LDLRAD3: variants seen among roughly 807,000 people sequenced by gnomAD.
LDLRAD3 encodes low density lipoprotein receptor class A domain containing 3, also known as low-density lipoprotein receptor class A domain-containing protein 3.
In LDLRAD3, 20 loss-of-function variants were observed where a neutral mutation model predicts 29.4. That is an observed-to-expected ratio of 0.68 (90% CI 0.48 to 0.99). The LOEUF is 0.99. Among genes scored for constraint, LDLRAD3 ranks in the 50% least tolerant of loss-of-function variants. The pLI is 0.00. For synonymous variants in LDLRAD3, 157 were observed against 192.7 expected (o/e 0.81, Z 1.53); for missense variants, 420 against 454.3 (o/e 0.92, Z 0.69).
At chr11:36,221,179 C>G (rs557186270) in intron 4 of LDLRAD3, among the ~76,000 whole-genome samples, 1 of 152,016 alleles carries the variant, frequency 6.6e-6, no homozygotes, top group Non-Finnish European at 1.5e-5. Context: ...GAAACCCCAT[C>G]TCTACTAAGT....
In LDLRAD3 at chr11:35,957,020, TG is replaced by T. The variant is rs200905516; in HGVS notation, c.46+12879del. On this transcript the variant is annotated intron_variant, in intron 1 of 5. Coordinates refer to ENST00000315571, the MANE Select transcript of LDLRAD3 (RefSeq NM_174902.4). ...AAAGTGCTGGGATTACCCAAAGTGC[TG>T]GGATTACAGGCGTGAGACACTGCAC... is the stretch of plus-strand genomic sequence containing the variant. Among the ~76,000 whole-genome samples, 578 of 152,360 alleles carry T rather than the reference TG, an allele frequency of 3.8e-3. 9 individuals carry two copies. Among genetic ancestry groups the T allele is most frequent in the Admixed American group, 0.035 (536 of 15,306 alleles).
chr11:36,212,201 G>A (rs1374376), intron 4 of LDLRAD3, among the ~76,000 whole-genome samples: 38,155 of 152,132 alleles, frequency 0.25, 5,011 homozygotes, highest in Admixed American at 0.34. Context: ...TGCAGAGGAG[G>A]CAGATGCCTC....
intron 4 of LDLRAD3, among the ~76,000 whole-genome samples, chr11:36,160,336 C>T (rs570591824): frequency 2.6e-5 from 4 of 152,258 alleles, no homozygotes; most frequent in African/African-American, 4.8e-5. Flanking sequence ...AGAAAGCCAG[C>T]GTGATTTCCC....
At chr11:36,167,859 T>C (rs1302248693) in intron 4 of LDLRAD3, among the ~76,000 whole-genome samples, 1 of 152,226 alleles carries the variant, frequency 6.6e-6, no homozygotes, top group Non-Finnish European at 1.5e-5. Flanking sequence ...AAAGCCAGAA[T>C]GCTTGACTTT....
chr11:36,062,538 T>C (rs1393163647), intron 2 of LDLRAD3, among the ~76,000 whole-genome samples: 3 of 152,148 alleles, frequency 2.0e-5, no homozygotes, highest in Admixed American at 1.3e-4. Flanking sequence ...CTGACTGACA[T>C]GGTTTGGCTG....
chr11:35,986,903 A>G (rs1290213574), intron 1 of LDLRAD3, among the ~76,000 whole-genome samples: 1 of 152,216 alleles, frequency 6.6e-6, no homozygotes. Context: ...GGGCCCATTT[A>G]CTAGAGAAAA....
At chr11:36,199,605 G>A (rs1043385360) in intron 4 of LDLRAD3, among the ~76,000 whole-genome samples, 1 of 144,398 alleles carries the variant, frequency 6.9e-6, no homozygotes, top group South Asian at 2.3e-4. Context: ...ACGCGTGCGC[G>A]CACACGCTTT....
chr11:36,185,162 A>G (rs953126), intron 4 of LDLRAD3, among the ~76,000 whole-genome samples: 43,154 of 152,054 alleles, frequency 0.28, 6,182 homozygotes, highest in East Asian at 0.35. Context: ...ATTCCAGCCC[A>G]TGATGTTGGA....
At chr11:36,183,974 T>C in intron 4 of LDLRAD3, 1 of 319,064 alleles carries the variant, frequency 3.1e-6, no homozygotes, top group South Asian at 2.5e-5. Context: ...TTTTTTTTTT[T>C]TTTTTTCCCG....
At chr11:35,976,558 T>C (rs1851478602) in intron 1 of LDLRAD3, among the ~76,000 whole-genome samples, 1 of 152,140 alleles carries the variant, frequency 6.6e-6, no homozygotes, top group African/African-American at 2.4e-5. Context: ...AAGGGGATGC[T>C]AGTATTTCCT....
In LDLRAD3 at chr11:35,979,695, T is replaced by C. The variant is rs2133155464; in HGVS notation, c.46+35551T>C. Among the ~76,000 whole-genome samples the C allele has an allele frequency of 1.3e-5, 2 of 152,260 alleles. 1 individual carries two copies. Among genetic ancestry groups the C allele is most frequent in the Middle Eastern group, 6.8e-3 (2 of 294 alleles). ...TGGGAGAAGCCAAGTTAAAATCGAG[T>C]TAGGTTAGTTCCTAGGTACCATACT... is the stretch of plus-strand genomic sequence containing the variant. On this transcript the variant is annotated intron_variant, in intron 1 of 5. Coordinates refer to ENST00000315571, the MANE Select transcript of LDLRAD3 (RefSeq NM_174902.4).
rs747466722 is a variant in LDLRAD3 at position 36,229,431 on chromosome 11, C to T, written c.*34C>T. 7.0e-7 allele frequency: 1 copy of T among 1,427,626 alleles called. No individual in the cohort carries two copies. Among genetic ancestry groups the T allele is most frequent in the Admixed American group, 1.7e-5 (1 of 57,392 alleles). The allele number at this position is 1,427,626 out of a possible 1,614,324, so 88.4% of individuals were successfully genotyped here. On this transcript the variant is annotated 3_prime_UTR_variant, in exon 6 of 6. Coordinates refer to ENST00000315571, the MANE Select transcript of LDLRAD3 (RefSeq NM_174902.4). The stretch of plus-strand genomic sequence containing the variant: ...TATTCCAAAGTCCATATGGGTTAAT[C>T]TGCTCTGACTTGTTGCCATTCTAAC...
rs139332568 is a variant in LDLRAD3, at chr11:36,198,574, C to A, written c.455-28511C>A. 3.2e-3 allele frequency among the ~76,000 whole-genome samples: 480 copies of A among 152,306 alleles called. 4 individuals are homozygous for A. Among genetic ancestry groups the A allele is most frequent in the African/African-American group, 0.01 (430 of 41,566 alleles). ...GTTCCGTGCCTGGTTTGCTTCCCCCCCATCCCACTCCTGCCTCTGCATGAA... is the reference window on the plus strand; with the variant it reads ...GTTCCGTGCCTGGTTTGCTTCCCCCACATCCCACTCCTGCCTCTGCATGAA... On this transcript the variant is annotated intron_variant, in intron 4 of 5. Transcript: ENST00000315571.
intron 1 of LDLRAD3, among the ~76,000 whole-genome samples, chr11:36,032,422 A>G (rs117722321): frequency 1.2e-4 from 19 of 152,328 alleles, no homozygotes; most frequent in Admixed American, 2.6e-4. Context: ...TTCTGAGGAC[A>G]CGGAGAACCC....
chr11:36,106,375 CTT>C (rs892741420), intron 4 of LDLRAD3, among the ~76,000 whole-genome samples: 1 of 152,200 alleles, frequency 6.6e-6, no homozygotes, highest in African/African-American at 2.4e-5. Flanking sequence ...GACAGTTGCA[CTT>C]TCCCCTTGGA....
chr11:36,178,269 C>T (rs952246524), intron 4 of LDLRAD3, among the ~76,000 whole-genome samples: 1 of 152,184 alleles, frequency 6.6e-6, no homozygotes, highest in African/African-American at 2.4e-5. Flanking sequence ...ATTAAGGCCT[C>T]CCAGTGAGAG....
At chr11:36,174,841 G>A (rs1590331719) in intron 4 of LDLRAD3, among the ~76,000 whole-genome samples, 1 of 152,152 alleles carries the variant, frequency 6.6e-6, no homozygotes, top group Admixed American at 6.5e-5. Flanking sequence ...AATTAGCTGG[G>A]CGTGGTGGCA....
intron 2 of LDLRAD3, among the ~76,000 whole-genome samples, chr11:36,072,831 C>T (rs1347764382): frequency 6.6e-6 from 1 of 152,200 alleles, no homozygotes; most frequent in Admixed American, 6.5e-5. Flanking sequence ...AACCTGGAGA[C>T]ACTGGAATGC....
chr11:36,175,605 A>AT (rs1309241026), intron 4 of LDLRAD3, among the ~76,000 whole-genome samples: 1 of 152,108 alleles, frequency 6.6e-6, no homozygotes, highest in Non-Finnish European at 1.5e-5. Context: ...ATTTCTATGT[A>AT]TTTGCATGGT....
Sources: gnomAD v4.1 joint callset for allele counts (sites outside exome capture counted in the v4.1 genomes callset) on GRCh38, gnomAD v4.1.1 for gene constraint, MANE v1.5 for transcripts, NCBI Gene and HGNC (gene_info 2026-07-23, HGNC 2026-07-21) for gene names.